Variants in MYCN observed in about 807,000 individuals in gnomAD.
The protein encoded by MYCN is N-myc proto-oncogene protein.
In MYCN, 3 loss-of-function variants were observed where a neutral mutation model predicts 28.1. The ratio of observed to expected loss-of-function variants is 0.11; its 90% CI spans 0.05 to 0.28. The LOEUF (loss-of-function observed/expected upper bound fraction) is 0.28. Among genes scored for constraint, MYCN ranks in the 10% least tolerant of loss-of-function variants. The pLI is 1.00. For missense variants in MYCN, 572 were observed against 651.4 expected (o/e 0.88, Z 1.33); for synonymous variants, 326 against 288.3 (o/e 1.13, Z -1.32).
rs1207544958 is a variant in MYCN at position 15,942,637 on chromosome 2, G to A, written c.573G>A (p.Val191=). ...CCGCCGAGTGCGTGGATCCCGCCGT[G>A]GTCTTCCCCTTTCCCGTGAACAAGC... ...HPAAECVDPA[V]VFPFPVNKRE... The change falls in exon 2 of 3, where the codon GTG becomes GTA. Residue 191 remains valine (V), a synonymous_variant. Transcript: ENST00000281043. This position sits in a 1 kb window ranked among gnomAD's most constrained non-coding sequence, Gnocchi z 7.0. 1 of 1,148,626 alleles carries A rather than the reference G, an allele frequency of 8.7e-7. No homozygotes were observed. Among genetic ancestry groups the A allele is most frequent in the Non-Finnish European group, 1.1e-6 (1 of 932,040 alleles). The allele number at this position is 1,148,626 out of a possible 1,614,324, so 71.2% of individuals were successfully genotyped here.
chr2:15,942,958 G>T lies in MYCN; in HGVS notation c.790+104G>T. The T allele has an allele frequency of 7.2e-7, 1 of 1,397,964 alleles. No homozygotes were observed. Among genetic ancestry groups the T allele is most frequent in the Non-Finnish European group, 9.6e-7 (1 of 1,044,576 alleles). 86.6% of individuals were successfully genotyped at this position (1,397,964 alleles called of 1,614,324 possible). ...GTCTTGGCCTGGGGAGCATTTTGGA[G>T]GCAGTGCTAGGGGCAGAGAGGTCCT... is the stretch of plus-strand genomic sequence containing the variant. On this transcript the variant is annotated intron_variant, in intron 2 of 2. Transcript: ENST00000281043. The surrounding 1 kb of genome is among the most constrained non-coding windows in gnomAD (Gnocchi z 7.0).
At position 15,942,509 on chromosome 2, in the gene MYCN, T is replaced by C; in HGVS notation, c.445T>C (p.Ser149Pro). ...GCCAACCGCCGGTTCCACCGCCCAG[T>C]CCCCGGGAGCCGGCGCCGCCAGCCC... is the stretch of plus-strand genomic sequence containing the variant. ...GPPTAGSTAQ[S>P]PGAGAASPAG... The change falls in exon 2 of 3, where the codon TCC becomes CCC. Residue 149 changes from serine (S) to proline (P), a missense_variant. Ser to Pro is a moderately conservative substitution (Grantham distance 74, BLOSUM62 -1). Coordinates refer to ENST00000281043, the MANE Select transcript of MYCN (RefSeq NM_005378.6). The surrounding 1 kb of genome is among the most constrained non-coding windows in gnomAD (Gnocchi z 7.0). The C allele has an allele frequency of 6.8e-7, 1 of 1,469,738 alleles. No individual in the cohort carries two copies. Among genetic ancestry groups the C allele is most frequent in the African/African-American group, 1.5e-5 (1 of 68,548 alleles). 91.0% of individuals were successfully genotyped at this position (1,469,738 alleles called of 1,614,324 possible).
chr2:15,944,806 A>T (rs1420156542), intron 2 of MYCN, among the ~76,000 whole-genome samples: 1 of 152,140 alleles, frequency 6.6e-6, no homozygotes, highest in Admixed American at 6.5e-5. Context: ...AAGGCTGGGT[A>T]ACTTGACCAG....
Position 15,942,975 on chromosome 2 carries a change from A to G in MYCN, c.790+121A>G, listed in dbSNP as rs1391171307. On this transcript the variant is annotated intron_variant, in intron 2 of 2. Coordinates refer to ENST00000281043, the MANE Select transcript of MYCN (RefSeq NM_005378.6). The surrounding 1 kb of genome is among the most constrained non-coding windows in gnomAD (Gnocchi z 7.0). ...ATTTTGGAGGCAGTGCTAGGGGCAG[A>G]GAGGTCCTGTTTCCCCCAAGTCTCT... 7.8e-6 allele frequency: 10 copies of G among 1,278,770 alleles called. No individual in the cohort carries two copies. The Admixed American group carries it at 1.7e-4, about 21-fold the overall frequency. 79.2% of individuals were successfully genotyped at this position (1,278,770 alleles called of 1,614,324 possible).
Position 15,945,433 on chromosome 2 carries a change from A to G in MYCN, c.791-60A>G. On this transcript the variant is annotated intron_variant, in intron 2 of 2. Coordinates refer to ENST00000281043, the MANE Select transcript of MYCN (RefSeq NM_005378.6). This position sits in a 1 kb window ranked among gnomAD's most constrained non-coding sequence, Gnocchi z 4.8. ...GATAAGCATACATATTAACATGGAT[A>G]TATATGTGAATTTCATTCAAATGGT... 1 of 1,539,662 alleles carries G rather than the reference A, an allele frequency of 6.5e-7. No individual in the cohort carries two copies. The highest frequency in any genetic ancestry group is 2.0e-5 in the Admixed American group (1 of 51,124).
intron 1 of MYCN, 170 bp downstream of exon 1, chr2:15,940,913 TTCCAGC>T (rs779632673): frequency 6.7e-4 from 267 of 396,738 alleles, no homozygotes; most frequent in Non-Finnish European, 1.1e-3. Flanking sequence ...GAAAAGCCAG[TTCCAGC>T]CCCGAAGGCA....
chr2:15,945,064 A>G lies in MYCN; in HGVS notation c.791-429A>G, dbSNP rs1172731064. Among the ~76,000 whole-genome samples, 1 of 151,890 alleles carries G rather than the reference A, an allele frequency of 6.6e-6. No individual in the cohort carries two copies. The highest frequency in any genetic ancestry group is 2.4e-5 in the African/African-American group (1 of 41,322). ...GCCCAGGCTGGAGTGCAGTGGTATG[A>G]TCTGGGCTCACTGCAACCTCCGCCT... On this transcript the variant is annotated intron_variant, in intron 2 of 2. Coordinates refer to ENST00000281043, the MANE Select transcript of MYCN (RefSeq NM_005378.6). The surrounding 1 kb of genome is among the most constrained non-coding windows in gnomAD (Gnocchi z 4.8).
In MYCN at chr2:15,945,848, T is replaced by C. The variant is rs1333544362; in HGVS notation, c.1146T>C (p.Arg382=). Reference sequence around the variant, plus strand: ...ACTCTGACTCGGAGGACAGTGAGCGTCGCAGAAACCACAACATCCTGGAGC... The same window carrying C: ...ACTCTGACTCGGAGGACAGTGAGCGCCGCAGAAACCACAACATCCTGGAGC... The part of the protein sequence containing the change: ...PRNSDSEDSE[R]RRNHNILERQ... Residue 382 remains arginine (R), a synonymous_variant, in exon 3 of 3, where the codon CGT becomes CGC. Transcript: ENST00000281043. The surrounding 1 kb of genome is among the most constrained non-coding windows in gnomAD (Gnocchi z 4.8). 7 of 1,614,010 alleles carry C rather than the reference T, an allele frequency of 4.3e-6. No individual in the cohort carries two copies. Among genetic ancestry groups the C allele is most frequent in the South Asian group, 1.1e-5 (1 of 91,082 alleles).
chr2:15,941,990 G>T lies in MYCN; in HGVS notation c.-75G>T. The T allele has an allele frequency of 6.3e-7, 1 of 1,583,546 alleles. No individual in the cohort carries two copies. Among genetic ancestry groups the T allele is most frequent in the Non-Finnish European group, 8.6e-7 (1 of 1,162,834 alleles). ...GGCCCCCGCCTTCCGCGCCCCCCAC[G>T]GGAAGGAAGCACCCCCGGTATTAAA... On this transcript the variant is annotated 5_prime_UTR_variant, in exon 2 of 3. Coordinates refer to ENST00000281043, the MANE Select transcript of MYCN (RefSeq NM_005378.6). This position sits in a 1 kb window ranked among gnomAD's most constrained non-coding sequence, Gnocchi z 4.8.
At chr2:15,943,152 A>G (rs541530338) in intron 2 of MYCN, among the ~76,000 whole-genome samples, 1 of 152,192 alleles carries the variant, frequency 6.6e-6, no homozygotes, top group African/African-American at 2.4e-5. Flanking sequence ...TCTCTTTTGC[A>G]GCGCAGTCTG....
chr2:15,942,031 A>G lies in MYCN; in HGVS notation c.-34A>G. ...CGGTATTAAAACGAACGGGGCGGAA[A>G]GAAGCCCTCAGTCGCCGGCCGGGAG... On this transcript the variant is annotated 5_prime_UTR_variant, in exon 2 of 3. Coordinates refer to ENST00000281043, the MANE Select transcript of MYCN (RefSeq NM_005378.6). This position sits in a 1 kb window ranked among gnomAD's most constrained non-coding sequence, Gnocchi z 7.0. 2 of 1,612,720 alleles carry G rather than the reference A, an allele frequency of 1.2e-6. No individual in the cohort carries two copies. The highest frequency in any genetic ancestry group is 1.7e-6 in the Non-Finnish European group (2 of 1,179,838).
In MYCN at chr2:15,946,859, T is replaced by TAA. The variant is rs1423590475; in HGVS notation, c.*763_*764dup. ...TTTTTCCTAGCCTGTTTCTTCCTGTTAATGTATTTGTTCATGTTTGGTGCA... is the reference window on the plus strand; with the variant it reads ...TTTTTCCTAGCCTGTTTCTTCCTGTTAAAATGTATTTGTTCATGTTTGGTGCA... On this transcript the variant is annotated 3_prime_UTR_variant, in exon 3 of 3. Transcript: ENST00000281043. 4 of 220,054 alleles carry TAA rather than the reference T, an allele frequency of 1.8e-5. No individual in the cohort carries two copies. Among genetic ancestry groups the TAA allele is most frequent in the Non-Finnish European group, 3.6e-5 (4 of 109,650 alleles). 13.6% of individuals were successfully genotyped at this position (220,054 alleles called of 1,614,324 possible).
In MYCN at chr2:15,946,311, C is replaced by G; in HGVS notation, c.*214C>G. Reference sequence around the variant, plus strand: ...ATGCTGGGTGGCCCTGCAGCCTCCTCCACCTCACCTCCATGACAGCGCTAA... The same window carrying G: ...ATGCTGGGTGGCCCTGCAGCCTCCTGCACCTCACCTCCATGACAGCGCTAA... On this transcript the variant is annotated 3_prime_UTR_variant, in exon 3 of 3. Transcript: ENST00000281043. 1 of 637,270 alleles carries G rather than the reference C, an allele frequency of 1.6e-6. No homozygotes were observed. The highest frequency in any genetic ancestry group is 2.7e-6 in the Non-Finnish European group (1 of 366,968). 39.5% of individuals were successfully genotyped at this position (637,270 alleles called of 1,614,324 possible).
At chr2:15,944,118 C>T (rs1238493721) in intron 2 of MYCN, among the ~76,000 whole-genome samples, 2 of 152,158 alleles carry the variant, frequency 1.3e-5, no homozygotes, top group Non-Finnish European at 2.9e-5. Context: ...TTCCTTCCAA[C>T]AGCTGTCTTC....
Position 15,945,644 on chromosome 2 carries a change from G to A in MYCN, c.942G>A (p.Gln314=), listed in dbSNP as rs1442644995. The change falls in exon 3 of 3, where the codon CAG becomes CAA. Residue 314 remains glutamine, a synonymous_variant. Coordinates refer to ENST00000281043, the MANE Select transcript of MYCN (RefSeq NM_005378.6). This position sits in a 1 kb window ranked among gnomAD's most constrained non-coding sequence, Gnocchi z 4.8. The part of the protein sequence containing the change: ...KNAALGPGRA[Q]SSELILKRCL... ...CAGCCCTGGGTCCCGGGAGGGCTCA[G>A]TCCAGCGAGCTGATCCTCAAACGAT... 6.2e-7 allele frequency: 1 copy of A among 1,614,184 alleles called. No homozygotes were observed. The highest frequency in any genetic ancestry group is 8.5e-7 in the Non-Finnish European group (1 of 1,180,030).
rs1400191292 is a variant in MYCN, at chr2:15,946,544, G to A, written c.*447G>A. The A allele has an allele frequency of 8.7e-6, 3 of 345,832 alleles. No homozygotes were observed. The highest frequency in any genetic ancestry group is 1.6e-5 in the Non-Finnish European group (3 of 185,074). The allele number at this position is 345,832 out of a possible 1,614,324, so 21.4% of individuals were successfully genotyped here. A position where few individuals can be genotyped will look rare whatever the true frequency, so the allele number is the denominator to read the frequency against. On this transcript the variant is annotated 3_prime_UTR_variant, in exon 3 of 3. Coordinates refer to ENST00000281043, the MANE Select transcript of MYCN (RefSeq NM_005378.6). ...GCCTTTTGTATACATCCTGGGTAAT[G>A]AGAGGTGGCTTTTGCGGCCAGTATT...
In MYCN at chr2:15,942,814, G is replaced by A. The variant is rs1387590267; in HGVS notation, c.750G>A (p.Lys250=). 1 of 1,548,898 alleles carries A rather than the reference G, an allele frequency of 6.5e-7. No individual in the cohort carries two copies. The highest frequency in any genetic ancestry group is 2.4e-5 in the East Asian group (1 of 41,326). Residue 250 remains lysine (K), a synonymous_variant, in exon 2 of 3, where the codon AAG becomes AAA. Coordinates refer to ENST00000281043, the MANE Select transcript of MYCN (RefSeq NM_005378.6). The surrounding 1 kb of genome is among the most constrained non-coding windows in gnomAD (Gnocchi z 7.0). ...GCCAGACCAGCGGCGGCGACCACAA[G>A]GCCCTCAGTACCTCCGGAGAGGACA... ...GGRQTSGGDH[K]ALSTSGEDTL... is the part of the protein sequence containing the mutation.
rs1484360683 is a variant in MYCN at position 15,942,830 on chromosome 2, G to A, written c.766G>A (p.Gly256Arg). 6 of 1,580,886 alleles carry A rather than the reference G, an allele frequency of 3.8e-6. No homozygotes were observed. Among genetic ancestry groups the A allele is most frequent in the Non-Finnish European group, 5.1e-6 (6 of 1,170,838 alleles). The change falls in exon 2 of 3, where the codon GGA (glycine) becomes AGA (arginine). Residue 256 changes from glycine (G) to arginine (R), a missense_variant. By Grantham distance (125) the Gly-to-Arg change is moderately radical. Transcript: ENST00000281043. This position sits in a 1 kb window ranked among gnomAD's most constrained non-coding sequence, Gnocchi z 7.0. The part of the protein sequence containing the change: ...GGDHKALSTS[G>R]EDTLSDSDDE... ...CGACCACAAGGCCCTCAGTACCTCC[G>A]GAGAGGACACCCTGAGCGATTCAGG...
rs180845779 is a variant in MYCN at position 15,941,146 on chromosome 2, G to A, written c.-118+403G>A. ...TAGGCAGGGCGAGGCCGCCGCGGTC[G>A]CAATCTGGGTCACGGCTGCTCCAGC... On this transcript the variant is annotated intron_variant, in intron 1 of 2. Coordinates refer to ENST00000281043, the MANE Select transcript of MYCN (RefSeq NM_005378.6). The surrounding 1 kb of genome is among the most constrained non-coding windows in gnomAD (Gnocchi z 4.8). 9.8e-4 allele frequency: 156 copies of A among 159,176 alleles called. No homozygotes were observed. Among genetic ancestry groups the A allele is most frequent in the African/African-American group, 3.5e-3 (146 of 41,944 alleles). 9.9% of individuals were successfully genotyped at this position (159,176 alleles called of 1,614,324 possible).
Sources: gnomAD v4.1 joint callset for allele counts (sites outside exome capture counted in the v4.1 genomes callset) on GRCh38, gnomAD v4.1.1 for gene constraint, Gnocchi (gnomAD v3.1) non-coding constraint, MANE v1.5 for transcripts, NCBI Gene and HGNC (gene_info 2026-07-23, HGNC 2026-07-21) for gene names.